RANBP2: variants seen among roughly 807,000 people sequenced by gnomAD.
RANBP2 encodes RAN binding protein 2.
Under a neutral mutation model 303.6 loss-of-function variants are expected in RANBP2, and 57 were observed. The ratio of observed to expected loss-of-function variants is 0.19; its 90% CI spans 0.15 to 0.23. The LOEUF (loss-of-function observed/expected upper bound fraction) is 0.23. RANBP2 is among the 10% of genes least tolerant of loss of function. The pLI, the probability that RANBP2 is intolerant of heterozygous loss-of-function variation, is 1.00. For missense variants in RANBP2, 3,138 were observed against 3,780.8 expected (o/e 0.83, Z 4.46); for synonymous variants, 1,167 against 1,301.5 (o/e 0.90, Z 2.23).
At chr2:109,477,812 A>G in the RANBP2 span, among the ~76,000 whole-genome samples, 1 of 151,978 alleles carries the variant, frequency 6.6e-6, no homozygotes, top group African/African-American at 2.4e-5. Context: ...AGCTCTCACG[A>G]CCCGATCATC....
At chr2:109,242,477 C>T in the RANBP2 span, among the ~76,000 whole-genome samples, 13 of 152,162 alleles carry the variant, frequency 8.5e-5, no homozygotes, top group African/African-American at 2.9e-4. Context: ...CCTGCTGAGC[C>T]GCCCCAGTGA....
the RANBP2 span, among the ~76,000 whole-genome samples, chr2:109,294,705 A>G: frequency 0.012 from 1,882 of 152,080 alleles, 46 homozygotes; most frequent in African/African-American, 0.043. Flanking sequence ...AGCTGGGAGG[A>G]AGACAGACAC....
the RANBP2 span, among the ~76,000 whole-genome samples, chr2:109,036,233 C>T: frequency 3.3e-5 from 5 of 152,090 alleles, no homozygotes; most frequent in Admixed American, 3.3e-4. Flanking sequence ...GCAAACGGCT[C>T]ACAAAAAAGA....
chr2:109,139,406 A>G, the RANBP2 span, among the ~76,000 whole-genome samples: 2 of 152,132 alleles, frequency 1.3e-5, no homozygotes, highest in African/African-American at 4.8e-5. Context: ...CATGTGCAGT[A>G]TGAAAGGTGA....
chr2:109,718,532 T>G, the RANBP2 span, among the ~76,000 whole-genome samples: 1 of 152,136 alleles, frequency 6.6e-6, no homozygotes, highest in African/African-American at 2.4e-5. Flanking sequence ...AGAGTAGATT[T>G]GTAGTTGCTC....
the RANBP2 span, among the ~76,000 whole-genome samples, chr2:108,929,572 C>T: frequency 2.0e-5 from 3 of 152,344 alleles, no homozygotes; most frequent in East Asian, 1.9e-4. Flanking sequence ...CCCCTCTCCT[C>T]GCCACTCTCA....
the RANBP2 span, among the ~76,000 whole-genome samples, chr2:109,663,408 C>T: frequency 6.6e-6 from 1 of 152,124 alleles, no homozygotes; most frequent in Non-Finnish European, 1.5e-5. Context: ...CTGTGGAGTA[C>T]CTACTGTGCC....
the RANBP2 span, among the ~76,000 whole-genome samples, chr2:108,855,516 A>C: frequency 6.6e-6 from 1 of 152,122 alleles, no homozygotes; most frequent in Non-Finnish European, 1.5e-5. Flanking sequence ...TTTCTAAATA[A>C]GGCAAGTCTG....
At chr2:108,997,459 A>AAAAAAAAAAAAG in the RANBP2 span, among the ~76,000 whole-genome samples, 47 of 131,450 alleles carry the variant, frequency 3.6e-4, no homozygotes, top group East Asian at 7.7e-4. Context: ...AAAAAAAAAA[A>AAAAAAAAAAAAG]AAAAGATGAT....
chr2:108,882,169 A>G, the RANBP2 span: 1 of 152,284 alleles, frequency 6.6e-6, no homozygotes, highest in Non-Finnish European at 1.5e-5. Context: ...AAAAAAAAAG[A>G]AAAAATAGAT....
chr2:109,463,504 A>T, the RANBP2 span, among the ~76,000 whole-genome samples: 1 of 152,204 alleles, frequency 6.6e-6, no homozygotes, highest in Non-Finnish European at 1.5e-5. Context: ...CCCCTCACAC[A>T]TCTGTTTCTC....
At chr2:108,752,495 G>C (rs111704902) in intron 12 of RANBP2, among the ~76,000 whole-genome samples, 1 of 151,540 alleles carries the variant, frequency 6.6e-6, no homozygotes, top group Admixed American at 6.6e-5. Flanking sequence ...TGTAGAGGCC[G>C]GGTGCGGTGG....
At chr2:109,582,886 C>A in the RANBP2 span, among the ~76,000 whole-genome samples, 1 of 152,136 alleles carries the variant, frequency 6.6e-6, no homozygotes, top group East Asian at 1.9e-4. Context: ...CACCTACAGG[C>A]ATCTGATCTT....
chr2:108,843,103 C>G, the RANBP2 span, among the ~76,000 whole-genome samples: 1 of 152,194 alleles, frequency 6.6e-6, no homozygotes, highest in African/African-American at 2.4e-5. Context: ...TTCCCTCTTT[C>G]ATTATATCCT....
the RANBP2 span, among the ~76,000 whole-genome samples, chr2:109,475,054 T>G: frequency 7.9e-5 from 12 of 152,338 alleles, no homozygotes; most frequent in Middle Eastern, 3.4e-3. Context: ...CTCTGCTCAC[T>G]GCAACCTCCA....
chr2:109,191,050 A>G, the RANBP2 span, among the ~76,000 whole-genome samples: 1 of 152,014 alleles, frequency 6.6e-6, no homozygotes, highest in South Asian at 2.1e-4. Flanking sequence ...TTGGGCCACA[A>G]AGAGTCTAAC....
chr2:109,268,160 T>C, the RANBP2 span, among the ~76,000 whole-genome samples: 2 of 151,942 alleles, frequency 1.3e-5, no homozygotes, highest in Non-Finnish European at 2.9e-5. Flanking sequence ...TGCTGATGTT[T>C]GTGATGTTAA....
At position 108,735,540 on chromosome 2, in the gene RANBP2, T is replaced by C; in HGVS notation, c.414T>C (p.Leu138=). 6.3e-7 allele frequency: 1 copy of C among 1,597,538 alleles called. No individual in the cohort carries two copies. Among genetic ancestry groups the C allele is most frequent in the Non-Finnish European group, 8.5e-7 (1 of 1,179,772 alleles). ...TTTTCCCCTCTAAATAGGAACAGCT[T>C]CTAGATTGTGAAGGTGAAGATGGAT... The part of the protein sequence containing the change: ...SPAIYKLKEQ[L]LDCEGEDGWN... The change falls in exon 5 of 29, where the codon CTT becomes CTC. Residue 138 remains leucine, a synonymous_variant. Transcript: ENST00000283195.
the RANBP2 span, among the ~76,000 whole-genome samples, chr2:109,376,181 C>T: frequency 2.6e-5 from 4 of 152,254 alleles, no homozygotes; most frequent in Admixed American, 6.5e-5. Flanking sequence ...TGTGTCATTC[C>T]TGAGCACTGA....
Sources: gnomAD v4.1 joint callset for allele counts (sites outside exome capture counted in the v4.1 genomes callset) on GRCh38, gnomAD v4.1.1 for gene constraint, MANE v1.5 for transcripts, NCBI Gene and HGNC (gene_info 2026-07-23, HGNC 2026-07-21) for gene names.